Variants in USH2A observed in about 807,000 individuals in gnomAD.
USH2A encodes the protein usherin, also known as Usher syndrome 2A (autosomal recessive, mild).
In USH2A, 443 loss-of-function variants were observed where a neutral mutation model predicts 538.9. That is an observed-to-expected ratio of 0.82 (90% confidence interval 0.76 to 0.89). The LOEUF (loss-of-function observed/expected upper bound fraction) is 0.89, where lower values mean the gene tolerates loss of function less well. Ranked by LOEUF, USH2A falls within the 40% of genes least tolerant of loss-of-function variation. USH2A has a pLI of 0.00. For missense variants in USH2A, 6,633 were observed against 6,324.8 expected, an observed-to-expected ratio of 1.05 and a Z score of -1.65; for synonymous variants, 2,413 against 2,273.5, an observed-to-expected ratio of 1.06 and a Z score of -1.75.
At chr1:216,395,734 G>C (rs1224605001) in intron 3 of USH2A, among the ~76,000 whole-genome samples, 1 of 152,176 alleles carries the variant, frequency 6.6e-6, no homozygotes, top group Non-Finnish European at 1.5e-5. Context: ...GACGGAAGTA[G>C]GCAGAGAGGT....
chr1:216,095,654 C>A (rs1433481929), intron 22 of USH2A, among the ~76,000 whole-genome samples: 1 of 152,194 alleles, frequency 6.6e-6, no homozygotes, highest in East Asian at 1.9e-4. Flanking sequence ...CCTGTCAAGT[C>A]ATGAGGAGGG....
At chr1:216,381,551 T>A (rs1232597217) in intron 3 of USH2A, among the ~76,000 whole-genome samples, 1 of 152,188 alleles carries the variant, frequency 6.6e-6, no homozygotes, top group East Asian at 1.9e-4. Flanking sequence ...CAGAAATGTA[T>A]TGCAATATAC....
chr1:216,157,796 A>C (rs2033978631), intron 21 of USH2A, among the ~76,000 whole-genome samples: 2 of 152,176 alleles, frequency 1.3e-5, no homozygotes, highest in Admixed American at 1.3e-4. Flanking sequence ...AGAACAACAG[A>C]CACTGGAAGG....
chr1:215,671,519 C>T (rs1296980521), intron 63 of USH2A, among the ~76,000 whole-genome samples: 2 of 152,080 alleles, frequency 1.3e-5, no homozygotes, highest in South Asian at 4.2e-4. Flanking sequence ...CAGAGCAAGA[C>T]TCTGTCTCAA....
At chr1:216,189,090 A>G (rs1245111983) in intron 20 of USH2A, among the ~76,000 whole-genome samples, 1 of 151,986 alleles carries the variant, frequency 6.6e-6, no homozygotes, top group African/African-American at 2.4e-5. Context: ...TACTCCATCA[A>G]TGTATTCATG....
rs1166684125 is a variant in USH2A at position 215,650,725 on chromosome 1, C to A, written c.14210G>T (p.Gly4737Val). Residue 4737 changes from glycine to valine, a missense_variant, in exon 65 of 72, where the codon GGT (glycine) becomes GTT (valine). Physicochemically the swap from Gly to Val is moderately radical, Grantham distance 109 (BLOSUM62 -3). Transcript: ENST00000307340. ...WCRTGPAPPEGLRAPTFHVIS... is the reference protein window; with the variant it reads ...WCRTGPAPPEVLRAPTFHVIS... ...CACATGGAACGTGGGGGCTCTGAGA[C>A]CTTCTGGTGGGGCTGGCCCGGTTCT... 2.5e-6 allele frequency: 4 copies of A among 1,613,944 alleles called. No homozygotes were observed. The highest frequency in any genetic ancestry group is 4.5e-5 in the East Asian group (2 of 44,834).
intron 4 of USH2A, among the ~76,000 whole-genome samples, chr1:216,356,680 A>G (rs966994321): frequency 6.6e-6 from 1 of 152,044 alleles, no homozygotes; most frequent in Non-Finnish European, 1.5e-5. Context: ...ATACTATTCC[A>G]CAGTAGGCAT....
chr1:215,955,412 C>T lies in USH2A; in HGVS notation c.7120+9905G>A, dbSNP rs185907036. On this transcript the variant is annotated intron_variant, in intron 37 of 71. Transcript: ENST00000307340. ...TCAACTCTGGATAGAGAAAATTTCTCTACTCAACTCCAGCAGCTATCATTT... is the reference window on the plus strand; with the variant it reads ...TCAACTCTGGATAGAGAAAATTTCTTTACTCAACTCCAGCAGCTATCATTT... Among the ~76,000 whole-genome samples, 168 of 152,256 alleles carry T rather than the reference C, an allele frequency of 1.1e-3. 1 individual carries two copies. Among genetic ancestry groups the T allele is most frequent in the Admixed American group, 0.011 (167 of 15,290 alleles).
chr1:215,719,804 A>C (rs1480568019), intron 61 of USH2A, among the ~76,000 whole-genome samples: 3 of 152,228 alleles, frequency 2.0e-5, no homozygotes, highest in Non-Finnish European at 4.4e-5. Context: ...ATGAGCCATC[A>C]TTCCAGGAGG....
intron 32 of USH2A, among the ~76,000 whole-genome samples, chr1:216,001,535 C>G (rs932242423): frequency 6.6e-6 from 1 of 152,132 alleles, no homozygotes; most frequent in Non-Finnish European, 1.5e-5. Context: ...GGTAATCTAA[C>G]CAAAGTTCAG....
intron 21 of USH2A, among the ~76,000 whole-genome samples, chr1:216,102,422 A>G (rs903788960): frequency 6.6e-6 from 1 of 150,692 alleles, no homozygotes; most frequent in Non-Finnish European, 1.5e-5. Context: ...ATAATATATA[A>G]TGTAATAATA....
At chr1:215,643,486 G>A (rs1656752243) in intron 67 of USH2A, among the ~76,000 whole-genome samples, 1 of 151,808 alleles carries the variant, frequency 6.6e-6, no homozygotes, top group African/African-American at 2.4e-5. Context: ...CCAGGTTTAA[G>A]CTGCTTCTCC....
intron 21 of USH2A, among the ~76,000 whole-genome samples, chr1:216,165,325 T>C: frequency 6.6e-6 from 1 of 152,148 alleles, no homozygotes; most frequent in East Asian, 1.9e-4. Flanking sequence ...CTAAGAGATG[T>C]GCAACCACCT....
At chr1:215,687,228 A>G (rs1164193115) in intron 61 of USH2A, among the ~76,000 whole-genome samples, 4 of 152,156 alleles carry the variant, frequency 2.6e-5, no homozygotes, top group African/African-American at 7.2e-5. Flanking sequence ...GCAGGGGACA[A>G]TTGTTATAAC....
In USH2A at chr1:216,073,121, C is replaced by G; in HGVS notation, c.5752G>C (p.Glu1918Gln). ...CCTGTAAAAGGCTGGAGACCACCCTCGTAAACACTCTGCTCTTTTCCCTGG... is the reference window on the plus strand; with the variant it reads ...CCTGTAAAAGGCTGGAGACCACCCTGGTAAACACTCTGCTCTTTTCCCTGG... ...VYQGKEQSVY[E>Q]GGLQPFTEYL... Residue 1918 changes from glutamate to glutamine, a missense_variant, in exon 28 of 72, where the codon GAG becomes CAG. Coordinates refer to ENST00000307340, the MANE Select transcript of USH2A (RefSeq NM_206933.4). 6 of 1,613,880 alleles carry G rather than the reference C, an allele frequency of 3.7e-6. No homozygotes were observed. The highest frequency in any genetic ancestry group is 4.2e-6 in the Non-Finnish European group (5 of 1,179,956).
intron 46 of USH2A, among the ~76,000 whole-genome samples, chr1:215,840,724 T>C (rs1201797317): frequency 6.6e-6 from 1 of 152,148 alleles, no homozygotes; most frequent in Non-Finnish European, 1.5e-5. Context: ...CACTTCTAGG[T>C]TGTGTGTTTC....
chr1:215,730,791 G>C (rs530241027), intron 60 of USH2A, among the ~76,000 whole-genome samples: 1 of 152,108 alleles, frequency 6.6e-6, no homozygotes, highest in South Asian at 2.1e-4. Context: ...ATTATGGTTC[G>C]GCAGCCCACC....
intron 3 of USH2A, among the ~76,000 whole-genome samples, chr1:216,385,758 G>A (rs1373357485): frequency 6.6e-6 from 1 of 152,108 alleles, no homozygotes; most frequent in Non-Finnish European, 1.5e-5. Context: ...TTCCTTCAGG[G>A]TTTCATCTTA....
chr1:215,865,913 G>A lies in USH2A; in HGVS notation c.8845+1094C>T, dbSNP rs1664456580. Among the ~76,000 whole-genome samples the A allele has an allele frequency of 2.0e-5, 3 of 152,130 alleles. No individual in the cohort carries two copies. The South Asian group carries it at 6.2e-4, about 31-fold the overall frequency. Reference sequence around the variant, plus strand: ...AATTCACAATTGATATCACTCAGGTGTCCTAAATGGAGCATCTCTCTTCTT... The same window carrying A: ...AATTCACAATTGATATCACTCAGGTATCCTAAATGGAGCATCTCTCTTCTT... On this transcript the variant is annotated intron_variant, in intron 44 of 71. Transcript: ENST00000307340.
Sources: allele counts gnomAD v4.1 joint callset (sites outside exome capture counted in the v4.1 genomes callset), GRCh38; gene constraint gnomAD v4.1.1; transcripts MANE v1.5; gene names NCBI Gene and HGNC (gene_info 2026-07-23, HGNC 2026-07-21).